FMN1: variants seen among roughly 807,000 people sequenced by gnomAD.
FMN1 encodes formin-1.
A neutral mutation model predicts 132.4 loss-of-function variants in FMN1; 110 were observed. That is an observed-to-expected ratio of 0.83 (90% CI 0.71 to 0.97). The LOEUF is 0.97. Among genes scored for constraint, FMN1 ranks in the 50% least tolerant of loss-of-function variants. The pLI, the probability that FMN1 is intolerant of heterozygous loss-of-function variation, is 0.00. For synonymous variants in FMN1, 722 were observed against 651.7 expected, an observed-to-expected ratio of 1.11 and a Z score of -1.64; for missense variants, 1,792 against 1,705.3, an observed-to-expected ratio of 1.05 and a Z score of -0.90.
chr15:33,024,395 C>T (rs1446022326), intron 6 of FMN1, among the ~76,000 whole-genome samples: 2 of 151,900 alleles, frequency 1.3e-5, no homozygotes, highest in African/African-American at 2.4e-5. Flanking sequence ...TACAGGCGTC[C>T]GCCACCACGC....
chr15:33,128,291 G>C (rs16965362), intron 4 of FMN1, among the ~76,000 whole-genome samples: 8,025 of 152,232 alleles, frequency 0.053, 724 homozygotes, highest in African/African-American at 0.18. Context: ...TTGGGAATTT[G>C]AACATGGCTG....
intron 6 of FMN1, among the ~76,000 whole-genome samples, chr15:33,010,624 G>C (rs1016190443): frequency 6.6e-6 from 1 of 151,892 alleles, no homozygotes; most frequent in African/African-American, 2.4e-5. Flanking sequence ...AATCTACATA[G>C]ATTATAAAGA....
intron 9 of FMN1, among the ~76,000 whole-genome samples, chr15:32,951,504 T>TG (rs2061653400): frequency 6.6e-6 from 1 of 152,012 alleles, no homozygotes; most frequent in African/African-American, 2.4e-5. Flanking sequence ...TAGCAGCCCC[T>TG]GGGGTCCAGG....
chr15:32,878,952 A>C (rs2059700495), intron 16 of FMN1, among the ~76,000 whole-genome samples: 1 of 152,222 alleles, frequency 6.6e-6, no homozygotes. Flanking sequence ...CCCACCTAGA[A>C]ATGTCACAAT....
intron 16 of FMN1, among the ~76,000 whole-genome samples, chr15:32,882,686 AT>A (rs1252388394): frequency 6.6e-6 from 1 of 152,214 alleles, no homozygotes; most frequent in Non-Finnish European, 1.5e-5. Flanking sequence ...ATAAGAAAAA[AT>A]TTTTTAGTGT....
intron 16 of FMN1, among the ~76,000 whole-genome samples, chr15:32,859,186 A>T (rs1364051696): frequency 1.3e-5 from 2 of 152,192 alleles, no homozygotes; most frequent in African/African-American, 4.8e-5. Flanking sequence ...TTGATGCTTA[A>T]GTTTTCTCTA....
chr15:32,797,054 A>G (rs1222626328), intron 19 of FMN1, among the ~76,000 whole-genome samples: 1 of 152,168 alleles, frequency 6.6e-6, no homozygotes, highest in African/African-American at 2.4e-5. Flanking sequence ...TGCACCCAGG[A>G]AGCAATGCCA....
At chr15:33,083,766 T>G (rs1287417053) in intron 5 of FMN1, among the ~76,000 whole-genome samples, 1 of 152,094 alleles carries the variant, frequency 6.6e-6, no homozygotes, top group African/African-American at 2.4e-5. Flanking sequence ...TAGGCATTCT[T>G]AGTCACAGGA....
intron 4 of FMN1, among the ~76,000 whole-genome samples, chr15:33,128,107 G>T (rs1233256525): frequency 6.6e-6 from 1 of 152,134 alleles, no homozygotes; most frequent in East Asian, 1.9e-4. Context: ...GCCAGAAGAA[G>T]GGAGAGGAGA....
chr15:32,956,179 C>A (rs1404776685), intron 9 of FMN1, among the ~76,000 whole-genome samples: 3 of 152,176 alleles, frequency 2.0e-5, no homozygotes, highest in East Asian at 1.9e-4. Context: ...TTCTAAGGTG[C>A]CCTCTTGTGG....
intron 7 of FMN1, among the ~76,000 whole-genome samples, chr15:32,978,302 GAC>G (rs1339138172): frequency 6.6e-6 from 1 of 152,126 alleles, no homozygotes; most frequent in Non-Finnish European, 1.5e-5. Context: ...TTATACTTGA[GAC>G]ACAAAACAAA....
chr15:32,839,930 G>A (rs1397911919), intron 17 of FMN1, among the ~76,000 whole-genome samples: 1 of 141,604 alleles, frequency 7.1e-6, no homozygotes, highest in Non-Finnish European at 1.6e-5. Flanking sequence ...TGATGGGAGG[G>A]AGATCTACAC....
At chr15:32,800,636 G>T (rs377478745) in intron 18 of FMN1, among the ~76,000 whole-genome samples, 1 of 152,204 alleles carries the variant, frequency 6.6e-6, no homozygotes, top group South Asian at 2.1e-4. Context: ...TTTACAGGAT[G>T]ACTTGCCCAA....
intron 6 of FMN1, among the ~76,000 whole-genome samples, chr15:33,035,129 A>G (rs1596520509): frequency 6.6e-6 from 1 of 152,238 alleles, no homozygotes. Flanking sequence ...TGTGATACAC[A>G]TACATATGTA....
At chr15:32,934,575 G>T (rs978375381) in intron 9 of FMN1, among the ~76,000 whole-genome samples, 23 of 135,710 alleles carry the variant, frequency 1.7e-4, no homozygotes, top group Non-Finnish European at 2.9e-4. Context: ...TTTCTCTTTT[G>T]TTTCTGAAAG....
At chr15:32,927,691 T>C (rs1236006146) in intron 9 of FMN1, among the ~76,000 whole-genome samples, 2 of 152,204 alleles carry the variant, frequency 1.3e-5, no homozygotes, top group Non-Finnish European at 2.9e-5. Flanking sequence ...TCTCTACAAC[T>C]AGTAAACCAA....
chr15:32,851,371 G>A (rs1567271004), intron 17 of FMN1, among the ~76,000 whole-genome samples: 1 of 152,178 alleles, frequency 6.6e-6, no homozygotes, highest in Non-Finnish European at 1.5e-5. Context: ...CAGTTGCTCT[G>A]TGCCTTCTTT....
intron 5 of FMN1, among the ~76,000 whole-genome samples, chr15:33,081,348 T>A (rs2038450134): frequency 6.6e-6 from 1 of 152,162 alleles, no homozygotes; most frequent in Non-Finnish European, 1.5e-5. Flanking sequence ...TATTTTGGGG[T>A]ACGTGTGATA....
intron 5 of FMN1, among the ~76,000 whole-genome samples, chr15:33,076,443 T>C (rs1265087871): frequency 6.6e-6 from 1 of 152,198 alleles, no homozygotes; most frequent in Non-Finnish European, 1.5e-5. Context: ...TTGAGAATAT[T>C]AGTTCGAACT....
Sources: allele counts gnomAD v4.1 joint callset (sites outside exome capture counted in the v4.1 genomes callset), GRCh38; gene constraint gnomAD v4.1.1; transcripts MANE v1.5; gene names NCBI Gene and HGNC (gene_info 2026-07-23, HGNC 2026-07-21).